Variants in IL1RAPL1 observed in about 807,000 individuals in gnomAD.
The protein encoded by IL1RAPL1 is interleukin-1 receptor accessory protein-like 1.
A neutral mutation model predicts 48.4 loss-of-function variants in IL1RAPL1; 3 were observed. The ratio of observed to expected loss-of-function variants is 0.06; its 90% CI spans 0.03 to 0.16. The LOEUF (loss-of-function observed/expected upper bound fraction) is 0.16. Ranked by LOEUF, IL1RAPL1 falls within the 10% of genes least tolerant of loss-of-function variation. The pLI, the probability that IL1RAPL1 is intolerant of heterozygous loss-of-function variation, is 1.00. For missense variants in IL1RAPL1, 349 were observed against 530.6 expected (o/e 0.66, Z 3.36); for synonymous variants, 185 against 187.7 (o/e 0.99, Z 0.12).
intron 2 of IL1RAPL1, among the ~76,000 whole-genome samples, chrX:29,059,924 A>T (rs1927304530): frequency 8.9e-6 from 1 of 111,733 alleles, no homozygotes; most frequent in African/African-American, 3.2e-5. Context: ...TGAGTATCAG[A>T]TGTCTCTGTT....
intron 6 of IL1RAPL1, among the ~76,000 whole-genome samples, chrX:29,687,537 A>T (rs192465636): frequency 9.0e-6 from 1 of 111,541 alleles, no homozygotes; most frequent in African/African-American, 3.3e-5. Flanking sequence ...AGATTGGTCA[A>T]TTGGGTACAA....
intron 6 of IL1RAPL1, among the ~76,000 whole-genome samples, chrX:29,886,029 C>G (rs12850298): frequency 0.15 from 16,229 of 110,997 alleles, 1,079 homozygotes; most frequent in African/African-American, 0.24. Flanking sequence ...TCCTATATTA[C>G]AGAAGTAATA....
chrX:29,498,308 A>G (rs763224143), intron 5 of IL1RAPL1, among the ~76,000 whole-genome samples: 1 of 111,280 alleles, frequency 9.0e-6, no homozygotes, highest in South Asian at 3.9e-4. Flanking sequence ...TGTGTGAAGG[A>G]GGATGGAAAT....
intron 1 of IL1RAPL1, among the ~76,000 whole-genome samples, chrX:28,606,539 G>T (rs1156644469): frequency 8.9e-6 from 1 of 112,066 alleles, no homozygotes; most frequent in Non-Finnish European, 1.9e-5. Flanking sequence ...AGCAGTAGCT[G>T]ACAGTTCACA....
intron 2 of IL1RAPL1, among the ~76,000 whole-genome samples, chrX:29,245,359 C>T (rs1033340725): frequency 1.3e-4 from 15 of 111,499 alleles, no homozygotes; most frequent in Non-Finnish European, 2.3e-4. Flanking sequence ...ACACTGTCTT[C>T]CACAATGGTT....
chrX:28,945,903 ATGTGTGTG>A (rs202162763), intron 2 of IL1RAPL1, among the ~76,000 whole-genome samples: 3 of 97,651 alleles, frequency 3.1e-5, no homozygotes, highest in African/African-American at 3.7e-5. Flanking sequence ...ATATATATAT[ATGTGTGTG>A]TGTGTGTGTG....
At chrX:29,190,769 A>G (rs752045595) in intron 2 of IL1RAPL1, among the ~76,000 whole-genome samples, 19 of 112,541 alleles carry the variant, frequency 1.7e-4, no homozygotes, top group African/African-American at 5.8e-4. Flanking sequence ...GCTTATGCCA[A>G]TACATTCAGT....
chrX:29,462,753 G>C (rs1346642301), intron 5 of IL1RAPL1, among the ~76,000 whole-genome samples: 1 of 111,615 alleles, frequency 9.0e-6, no homozygotes, highest in East Asian at 2.8e-4. Context: ...TGTGATAGAT[G>C]GACTTAAATC....
chrX:29,295,867 ACATT>A (rs1458456080), intron 3 of IL1RAPL1, among the ~76,000 whole-genome samples: 6 of 111,961 alleles, frequency 5.4e-5, no homozygotes, highest in Admixed American at 2.9e-4. Context: ...ACTTTTACTT[ACATT>A]CATAGGCCAG....
chrX:29,182,532 A>G (rs1930164848), intron 2 of IL1RAPL1, among the ~76,000 whole-genome samples: 1 of 110,645 alleles, frequency 9.0e-6, no homozygotes, highest in South Asian at 3.8e-4. Context: ...AAGATTTTAC[A>G]TGTTTATATT....
At chrX:29,868,811 A>G (rs1327642128) in intron 6 of IL1RAPL1, among the ~76,000 whole-genome samples, 1 of 112,155 alleles carries the variant, frequency 8.9e-6, no homozygotes, top group African/African-American at 3.2e-5. Flanking sequence ...CTTAACTGGC[A>G]ATTTTAGGTT....
At chrX:28,601,784 C>T (rs1934028802) in intron 1 of IL1RAPL1, among the ~76,000 whole-genome samples, 1 of 110,164 alleles carries the variant, frequency 9.1e-6, no homozygotes, top group Non-Finnish European at 1.9e-5. Flanking sequence ...CTGGCTTTGG[C>T]TTGGTTTTTT....
chrX:28,931,967 G>A lies in IL1RAPL1; in HGVS notation c.82+142542G>A, dbSNP rs757022974. 1.4e-4 allele frequency among the ~76,000 whole-genome samples: 15 copies of A among 108,663 alleles called. No individual in the cohort carries two copies. The South Asian group carries it at 2.4e-3, about 17-fold the overall frequency. 94.4% of individuals were successfully genotyped at this position (108,663 alleles called of 115,157 possible). A position where few individuals can be genotyped will look rare whatever the true frequency, so the allele number is the denominator to read the frequency against. Reference sequence around the variant, plus strand: ...TGAGGCAGGAGAATGTCATGAACCCGGGAGGCAGAGCTTGCAGTGAGCCAA... The same window carrying A: ...TGAGGCAGGAGAATGTCATGAACCCAGGAGGCAGAGCTTGCAGTGAGCCAA... On this transcript the variant is annotated intron_variant, in intron 2 of 10. Transcript: ENST00000378993.
At chrX:29,638,982 C>T (rs900970032) in intron 5 of IL1RAPL1, among the ~76,000 whole-genome samples, 2 of 110,944 alleles carry the variant, frequency 1.8e-5, no homozygotes, top group East Asian at 2.8e-4. Context: ...GTCAGGAGAT[C>T]GAGACCATCC....
intron 1 of IL1RAPL1, among the ~76,000 whole-genome samples, chrX:28,779,630 GTGTGTATATATATA>G (rs1371380985): frequency 1.3e-3 from 79 of 61,137 alleles, no homozygotes; most frequent in African/African-American, 3.9e-3. Context: ...GTGTGTGTGT[GTGTGTATATATATA>G]TATATATATA....
rs572614560 is a variant in IL1RAPL1, at chrX:29,884,961, C to T, written c.779-32503C>T. On this transcript the variant is annotated intron_variant, in intron 6 of 10. Transcript: ENST00000378993. Reference sequence around the variant, plus strand: ...ATAAGGCACTTACCACAGTTTGTTGCTCCAAAGCTCTCTGTTTTACATTGT... The same window carrying T: ...ATAAGGCACTTACCACAGTTTGTTGTTCCAAAGCTCTCTGTTTTACATTGT... Among the ~76,000 whole-genome samples the T allele has an allele frequency of 2.7e-5, 3 of 111,760 alleles. No individual in the cohort carries two copies. In the Admixed American group the frequency reaches 2.8e-4, roughly 11 times the overall value.
At chrX:28,695,532 T>C (rs955060853) in intron 1 of IL1RAPL1, among the ~76,000 whole-genome samples, 3 of 112,207 alleles carry the variant, frequency 2.7e-5, no homozygotes, top group Admixed American at 9.5e-5. Flanking sequence ...TTTCTTACTT[T>C]CTGTTTGTTT....
chrX:29,419,660 T>A (rs1934267469), intron 5 of IL1RAPL1, among the ~76,000 whole-genome samples: 1 of 112,444 alleles, frequency 8.9e-6, no homozygotes, highest in Non-Finnish European at 1.9e-5. Flanking sequence ...TTTTTGTTTG[T>A]TCATAACATT....
intron 1 of IL1RAPL1, among the ~76,000 whole-genome samples, chrX:28,622,521 A>C (rs1934295751): frequency 8.9e-6 from 1 of 112,316 alleles, no homozygotes; most frequent in Non-Finnish European, 1.9e-5. Context: ...ATGTGATCAT[A>C]AAATTCATTT....
Sources: allele counts gnomAD v4.1 joint callset (sites outside exome capture counted in the v4.1 genomes callset), GRCh38; gene constraint gnomAD v4.1.1; transcripts MANE v1.5; gene names NCBI Gene and HGNC (gene_info 2026-07-23, HGNC 2026-07-21).